Variants in NALF1 observed in about 807,000 individuals in gnomAD.
NALF1 encodes the protein family with sequence similarity 155 member A.
NALF1 carries 3 observed loss-of-function variants against 48.4 expected under a neutral mutation model. The observed-to-expected ratio is 0.06, with a 90% CI of 0.03 to 0.16. The LOEUF (loss-of-function observed/expected upper bound fraction) is 0.16, where lower values mean the gene tolerates loss of function less well. NALF1 is among the 10% of genes least tolerant of loss of function. The pLI, the probability that NALF1 is intolerant of heterozygous loss-of-function variation, is 1.00. For missense variants in NALF1, 526 were observed against 571.5 expected (o/e 0.92, Z 0.81); for synonymous variants, 262 against 245.7 (o/e 1.07, Z -0.62).
At chr13:107,858,731 T>C (rs920422079) in intron 1 of NALF1, among the ~76,000 whole-genome samples, 4 of 152,218 alleles carry the variant, frequency 2.6e-5, no homozygotes, top group Non-Finnish European at 5.9e-5. Flanking sequence ...GACCTTGGGA[T>C]AGTTAACTTT....
chr13:107,180,964 A>C (rs1927749), intron 2 of NALF1, among the ~76,000 whole-genome samples: 1,927 of 151,822 alleles, frequency 0.013, 41 homozygotes, highest in African/African-American at 0.044. Flanking sequence ...TTGATAGTTC[A>C]TATTCTCTAA....
At chr13:107,486,913 A>C (rs1355229133) in intron 1 of NALF1, among the ~76,000 whole-genome samples, 1 of 152,194 alleles carries the variant, frequency 6.6e-6, no homozygotes, top group African/African-American at 2.4e-5. Flanking sequence ...CAAAGACTTC[A>C]CTAAGAGTCT....
intron 1 of NALF1, among the ~76,000 whole-genome samples, chr13:107,516,615 G>GA (rs376121945): frequency 0.03 from 4,460 of 149,360 alleles, 116 homozygotes; most frequent in African/African-American, 0.062. Flanking sequence ...ATTGCATTTA[G>GA]AAAAAAAAAA....
intron 1 of NALF1, among the ~76,000 whole-genome samples, chr13:107,371,283 CA>C (rs1054098965): frequency 5.3e-4 from 80 of 151,984 alleles, no homozygotes; most frequent in African/African-American, 1.6e-3. Flanking sequence ...CCTGTCTCTA[CA>C]AAAAATTGAA....
At chr13:107,519,201 A>G (rs1876157497) in intron 1 of NALF1, among the ~76,000 whole-genome samples, 1 of 152,126 alleles carries the variant, frequency 6.6e-6, no homozygotes, top group Non-Finnish European at 1.5e-5. Context: ...TCCAACCAGA[A>G]CCACAATATT....
rs138577718 is a variant in NALF1 at position 107,193,118 on chromosome 13, C to T, written c.1087+17466G>A. On this transcript the variant is annotated intron_variant, in intron 2 of 2. Coordinates refer to ENST00000375915, the MANE Select transcript of NALF1 (RefSeq NM_001080396.3). ...AAACACTATTTATGGTATAAGATGACATTTTCCTCTTGGTGGTAGCTGAAG... is the reference window on the plus strand; with the variant it reads ...AAACACTATTTATGGTATAAGATGATATTTTCCTCTTGGTGGTAGCTGAAG... Among the ~76,000 whole-genome samples, 459 of 151,860 alleles carry T rather than the reference C, an allele frequency of 3.0e-3. 1 individual carries two copies. Among genetic ancestry groups the T allele is most frequent in the African/African-American group, 0.01 (431 of 41,424 alleles).
intron 1 of NALF1, among the ~76,000 whole-genome samples, chr13:107,268,698 T>C (rs917712708): frequency 1.3e-5 from 2 of 152,212 alleles, no homozygotes; most frequent in African/African-American, 4.8e-5. Context: ...TAAAAAGTCA[T>C]ATTTAAGCTA....
intron 1 of NALF1, among the ~76,000 whole-genome samples, chr13:107,857,963 T>C (rs528766264): frequency 6.6e-6 from 1 of 152,330 alleles, no homozygotes; most frequent in African/African-American, 2.4e-5. Context: ...ATTGAAATTA[T>C]GAATTCATAG....
At chr13:107,183,198 T>C (rs1396517983) in intron 2 of NALF1, among the ~76,000 whole-genome samples, 1 of 152,134 alleles carries the variant, frequency 6.6e-6, no homozygotes, top group African/African-American at 2.4e-5. Context: ...GACACACCCC[T>C]GGGGGAACAA....
At chr13:107,302,142 A>G (rs1881848986) in intron 1 of NALF1, among the ~76,000 whole-genome samples, 1 of 152,268 alleles carries the variant, frequency 6.6e-6, no homozygotes, top group South Asian at 2.1e-4. Context: ...AAGAAGAGAG[A>G]CTTGAGCTCG....
chr13:107,411,669 TG>T lies in NALF1; in HGVS notation c.916-200915del, dbSNP rs565597347. On this transcript the variant is annotated intron_variant, in intron 1 of 2. Coordinates refer to ENST00000375915, the MANE Select transcript of NALF1 (RefSeq NM_001080396.3). ...TTTACAAATAACTCCAAGTCTGACG[TG>T]TGTCACTAAGAATGGCAGGACATTC... Among the ~76,000 whole-genome samples, 3 of 152,282 alleles carry T rather than the reference TG, an allele frequency of 2.0e-5. No individual in the cohort carries two copies. In the South Asian group the frequency reaches 6.2e-4, roughly 32 times the overall value.
intron 1 of NALF1, among the ~76,000 whole-genome samples, chr13:107,220,532 C>T (rs556023725): frequency 1.2e-4 from 18 of 152,260 alleles, no homozygotes; most frequent in East Asian, 1.2e-3. Flanking sequence ...GCCTAGGTAC[C>T]ATCCAATCTG....
chr13:107,538,354 CT>C (rs1370469889), intron 1 of NALF1, among the ~76,000 whole-genome samples: 15 of 152,124 alleles, frequency 9.9e-5, no homozygotes, highest in African/African-American at 3.6e-4. Flanking sequence ...TGAATCCCCC[CT>C]TACCCACAAA....
intron 1 of NALF1, among the ~76,000 whole-genome samples, chr13:107,809,734 T>C (rs1185640872): frequency 6.6e-6 from 1 of 152,140 alleles, no homozygotes; most frequent in East Asian, 1.9e-4. Flanking sequence ...ATCCTCATCA[T>C]GTCTTTCCCA....
chr13:107,796,918 C>A (rs1045195418), intron 1 of NALF1, among the ~76,000 whole-genome samples: 1 of 152,142 alleles, frequency 6.6e-6, no homozygotes, highest in Non-Finnish European at 1.5e-5. Flanking sequence ...CCATATTTTA[C>A]ACGTGCCCAA....
chr13:107,492,292 GC>G (rs1340068070), intron 1 of NALF1, among the ~76,000 whole-genome samples: 5 of 151,858 alleles, frequency 3.3e-5, no homozygotes, highest in Non-Finnish European at 5.9e-5. Flanking sequence ...CAGGTGATCA[GC>G]CCGCTTCGGC....
rs1237995985 is a variant in NALF1 at position 107,476,520 on chromosome 13, T to C, written c.916-265765A>G. Among the ~76,000 whole-genome samples, 4 of 152,250 alleles carry C rather than the reference T, an allele frequency of 2.6e-5. No individual in the cohort carries two copies. In the East Asian group the frequency reaches 7.7e-4, roughly 29 times the overall value. On this transcript the variant is annotated intron_variant, in intron 1 of 2. Transcript: ENST00000375915. The stretch of plus-strand genomic sequence containing the variant: ...AAATCTATCTAATTATTTTAATATA[T>C]TTTAAGCAAGTTATTCATTCTAACA...
At chr13:107,540,240 T>C (rs1178992777) in intron 1 of NALF1, among the ~76,000 whole-genome samples, 1 of 152,066 alleles carries the variant, frequency 6.6e-6, no homozygotes. Context: ...ACATGGAATG[T>C]TTGTCAAGCT....
At chr13:107,583,789 G>T (rs1263568973) in intron 1 of NALF1, among the ~76,000 whole-genome samples, 1 of 152,062 alleles carries the variant, frequency 6.6e-6, no homozygotes, top group African/African-American at 2.4e-5. Context: ...AAAGCAATAT[G>T]TGTCTCCAAG....
Sources: allele counts gnomAD v4.1 joint callset (sites outside exome capture counted in the v4.1 genomes callset), GRCh38; gene constraint gnomAD v4.1.1; transcripts MANE v1.5; gene names NCBI Gene and HGNC (gene_info 2026-07-23, HGNC 2026-07-21).